PHF14: variants seen among roughly 807,000 people sequenced by gnomAD.
The protein encoded by PHF14 is PHD finger protein 14.
PHF14 carries 55 observed loss-of-function variants against 117.9 expected under a neutral mutation model. The ratio of observed to expected loss-of-function variants is 0.47; its 90% confidence interval spans 0.38 to 0.58. PHF14 has a LOEUF of 0.58. Ranked by LOEUF, PHF14 falls within the 20% of genes least tolerant of loss-of-function variation. PHF14 has a pLI of 0.00. For missense variants in PHF14, 978 were observed against 1,122.2 expected (o/e 0.87, Z 1.84); for synonymous variants, 409 against 368.6 (o/e 1.11, Z -1.26).
intron 17 of PHF14, among the ~76,000 whole-genome samples, chr7:11,166,151 T>G (rs1235638709): frequency 1.3e-5 from 2 of 152,180 alleles, no homozygotes; most frequent in African/African-American, 2.4e-5. Context: ...GTTTAAACAT[T>G]AAGAGGTAAG....
intron 16 of PHF14, among the ~76,000 whole-genome samples, chr7:11,076,712 T>C (rs1785867770): frequency 6.6e-6 from 1 of 151,560 alleles, no homozygotes; most frequent in South Asian, 2.1e-4. Context: ...AGATTACAGG[T>C]GCACACCACC....
chr7:10,991,471 G>T (rs1011838750), intron 4 of PHF14, among the ~76,000 whole-genome samples: 13 of 151,942 alleles, frequency 8.6e-5, no homozygotes, highest in Admixed American at 7.2e-4. Context: ...TACCGCGCCC[G>T]GCCAATTTTT....
chr7:10,975,863 G>T (rs1281275613), intron 2 of PHF14, among the ~76,000 whole-genome samples: 1 of 152,084 alleles, frequency 6.6e-6, no homozygotes, highest in East Asian at 1.9e-4. Context: ...CCTTCTTCTG[G>T]TTTTCCCTTG....
intron 13 of PHF14, among the ~76,000 whole-genome samples, chr7:11,046,654 T>G (rs1295929025): frequency 2.0e-5 from 3 of 152,144 alleles, no homozygotes; most frequent in African/African-American, 4.8e-5. Flanking sequence ...TTTACAGGTA[T>G]TATAACTACA....
intron 11 of PHF14, 41 bp downstream of exon 11, chr7:11,038,896 C>A (rs1784407075): frequency 1.1e-6 from 1 of 921,228 alleles, no homozygotes; most frequent in Non-Finnish European, 1.7e-6. Flanking sequence ...AGTTCTTGCT[C>A]CCTATATGAT....
At chr7:11,069,381 G>A (rs1046350565) in intron 16 of PHF14, among the ~76,000 whole-genome samples, 3 of 152,140 alleles carry the variant, frequency 2.0e-5, no homozygotes, top group Non-Finnish European at 2.9e-5. Context: ...GCATGGAGAA[G>A]TGCCTTCAAG....
At chr7:11,116,256 G>T (rs891990736) in intron 17 of PHF14, among the ~76,000 whole-genome samples, 1 of 151,892 alleles carries the variant, frequency 6.6e-6, no homozygotes, top group South Asian at 2.1e-4. Context: ...CTTATCTACT[G>T]TCTCTATCTC....
intron 17 of PHF14, among the ~76,000 whole-genome samples, chr7:11,136,541 A>G (rs139429435): frequency 6.6e-6 from 1 of 152,172 alleles, no homozygotes; most frequent in South Asian, 2.1e-4. Flanking sequence ...AGTCTTTTGC[A>G]TAGTTATTAC....
chr7:11,167,571 G>C (rs1789236607), intron 17 of PHF14, among the ~76,000 whole-genome samples: 2 of 152,114 alleles, frequency 1.3e-5, no homozygotes, highest in African/African-American at 4.8e-5. Flanking sequence ...AGATACAGAA[G>C]ATAAAACCTT....
intron 4 of PHF14, among the ~76,000 whole-genome samples, chr7:10,998,847 A>G (rs1782756818): frequency 6.6e-6 from 1 of 152,192 alleles, no homozygotes; most frequent in South Asian, 2.1e-4. Context: ...CTTCATTATA[A>G]TGCTGAGTAC....
intron 4 of PHF14, among the ~76,000 whole-genome samples, chr7:10,996,317 G>A (rs530848378): frequency 1.3e-5 from 2 of 152,320 alleles, no homozygotes; most frequent in East Asian, 1.9e-4. Context: ...TATGTAAGAT[G>A]TTAGGACTAG....
At chr7:11,144,127 C>T (rs1017097510) in intron 17 of PHF14, among the ~76,000 whole-genome samples, 4 of 151,986 alleles carry the variant, frequency 2.6e-5, no homozygotes, top group Admixed American at 6.6e-5. Context: ...TGCTCAAAAT[C>T]GCTAATCATC....
intron 14 of PHF14, among the ~76,000 whole-genome samples, chr7:11,059,951 G>A (rs888638591): frequency 1.3e-5 from 2 of 152,064 alleles, no homozygotes; most frequent in Non-Finnish European, 2.9e-5. Flanking sequence ...TCTCACTGCA[G>A]CCTAGATCTC....
chr7:11,024,116 A>G (rs1223578316), intron 6 of PHF14, among the ~76,000 whole-genome samples: 1 of 152,182 alleles, frequency 6.6e-6, no homozygotes, highest in African/African-American at 2.4e-5. Context: ...GATAATGGAG[A>G]AAATTTTAAT....
intron 3 of PHF14, among the ~76,000 whole-genome samples, chr7:10,986,583 G>A (rs1192658884): frequency 6.6e-6 from 1 of 152,184 alleles, no homozygotes; most frequent in South Asian, 2.1e-4. Flanking sequence ...TGCATTTTCC[G>A]CAAACGGACA....
At chr7:11,055,567 T>C (rs1430718547) in intron 14 of PHF14, among the ~76,000 whole-genome samples, 1 of 152,194 alleles carries the variant, frequency 6.6e-6, no homozygotes, top group Non-Finnish European at 1.5e-5. Context: ...CTGAAAACCA[T>C]ATTGTTTTTC....
intron 16 of PHF14, among the ~76,000 whole-genome samples, chr7:11,078,916 A>G (rs1785972186): frequency 6.6e-6 from 1 of 152,156 alleles, no homozygotes; most frequent in African/African-American, 2.4e-5. Flanking sequence ...GTAGATTAAT[A>G]TGAATTATAT....
chr7:11,156,144 C>T (rs1213917377), intron 17 of PHF14, among the ~76,000 whole-genome samples: 2 of 152,176 alleles, frequency 1.3e-5, no homozygotes, highest in Non-Finnish European at 2.9e-5. Context: ...AACATTTAAT[C>T]ATTCTTTAAT....
intron 6 of PHF14, among the ~76,000 whole-genome samples, chr7:11,026,825 C>T (rs1425149136): frequency 6.6e-6 from 1 of 151,082 alleles, no homozygotes; most frequent in African/African-American, 2.4e-5. Context: ...AGGCTAATTT[C>T]CTCTTGCTTA....
Sources: allele counts gnomAD v4.1 joint callset (sites outside exome capture counted in the v4.1 genomes callset), GRCh38; gene constraint gnomAD v4.1.1; transcripts MANE v1.5; gene names NCBI Gene and HGNC (gene_info 2026-07-23, HGNC 2026-07-21).